Variants in GOSR1 observed in about 807,000 individuals in gnomAD.
GOSR1 encodes the protein golgi SNAP receptor complex member 1, also known as 28 kDa Golgi SNARE protein.
A neutral mutation model predicts 35.5 loss-of-function variants in GOSR1; 21 were observed. The ratio of observed to expected loss-of-function variants is 0.59; its 90% CI spans 0.42 to 0.85. The LOEUF (loss-of-function observed/expected upper bound fraction) is 0.85, where lower values mean the gene tolerates loss of function less well. GOSR1 is among the 40% of genes least tolerant of loss of function. GOSR1 has a pLI of 0.00. For missense variants in GOSR1, 285 were observed against 309.6 expected, an observed-to-expected ratio of 0.92 and a Z score of 0.60; for synonymous variants, 94 against 106.6, an observed-to-expected ratio of 0.88 and a Z score of 0.73.
intron 4 of GOSR1, among the ~76,000 whole-genome samples, chr17:30,488,345 TA>T (rs1316538800): frequency 6.6e-6 from 1 of 151,410 alleles, no homozygotes; most frequent in African/African-American, 2.4e-5. Context: ...TTTGTATTTT[TA>T]GTAGAGATGG....
rs893149183 is a variant in GOSR1, at chr17:30,525,659, T to A, written c.*3281T>A. ...TACCAGTCTTTTTTACTGGTCTGAT[T>A]CTTTTGTGCATTCATTAAAGCTGAT... On this transcript the variant is annotated 3_prime_UTR_variant, in exon 9 of 9. Transcript: ENST00000451249. 4 of 152,198 alleles carry A rather than the reference T, an allele frequency of 2.6e-5. No homozygotes were observed. Among genetic ancestry groups the A allele is most frequent in the Non-Finnish European group, 4.4e-5 (3 of 68,030 alleles). The allele number at this position is 152,198 out of a possible 1,614,324, so 9.4% of individuals were successfully genotyped here.
Position 30,522,609 on chromosome 17 carries a change from A to G in GOSR1, c.*231A>G, listed in dbSNP as rs561596948. ...GTTTTTAATTAAAAAAAAAAAAAAA[A>G]GGTTTTCAGTTGCTTTTGTCTCCCT... On this transcript the variant is annotated 3_prime_UTR_variant, in exon 9 of 9. Coordinates refer to ENST00000451249, the MANE Select transcript of GOSR1 (RefSeq NM_001007025.2). 12 of 294,888 alleles carry G rather than the reference A, an allele frequency of 4.1e-5. No homozygotes were observed. The highest frequency in any genetic ancestry group is 2.8e-4 in the South Asian group (2 of 7,020). The allele number at this position is 294,888 out of a possible 1,614,324, so 18.3% of individuals were successfully genotyped here. A position where few individuals can be genotyped will look rare whatever the true frequency, so the allele number is the denominator to read the frequency against.
chr17:30,517,396 C>T (rs917620377), intron 7 of GOSR1, among the ~76,000 whole-genome samples: 10 of 152,108 alleles, frequency 6.6e-5, no homozygotes, highest in Non-Finnish European at 5.9e-5. Flanking sequence ...TACAAACATC[C>T]CCAAGGGTGT....
intron 6 of GOSR1, among the ~76,000 whole-genome samples, chr17:30,503,277 A>C (rs1967280323): frequency 6.6e-6 from 1 of 152,184 alleles, no homozygotes. Context: ...TGGGGGAAAT[A>C]AGTTATTTTT....
chr17:30,495,079 T>C (rs571948244), intron 6 of GOSR1, among the ~76,000 whole-genome samples: 1 of 150,668 alleles, frequency 6.6e-6, no homozygotes, highest in Admixed American at 6.7e-5. Context: ...TCCCAACTAC[T>C]TGGGAGGCTG....
rs1244860041 is a variant in GOSR1, at chr17:30,524,608, TAAAAG to T, written c.*2234_*2238del. The stretch of plus-strand genomic sequence containing the variant: ...AAATGAAATCTCAGTTCCACTATGA[TAAAAG>T]AAACGAATCACCAGTGTCTGTCAGT... On this transcript the variant is annotated 3_prime_UTR_variant, in exon 9 of 9. Transcript: ENST00000451249. 3 of 152,140 alleles carry T rather than the reference TAAAAG, an allele frequency of 2.0e-5. No homozygotes were observed. Among genetic ancestry groups the T allele is most frequent in the Non-Finnish European group, 4.4e-5 (3 of 68,014 alleles). 9.4% of individuals were successfully genotyped at this position (152,140 alleles called of 1,614,324 possible).
At chr17:30,486,240 G>A (rs369030094) in intron 4 of GOSR1, among the ~76,000 whole-genome samples, 15 of 152,036 alleles carry the variant, frequency 9.9e-5, no homozygotes, top group African/African-American at 3.4e-4. Context: ...ATGTATGCTG[G>A]GCATGGTGGC....
chr17:30,501,711 G>A (rs1410615447), intron 6 of GOSR1, among the ~76,000 whole-genome samples: 2 of 152,146 alleles, frequency 1.3e-5, no homozygotes, highest in East Asian at 3.9e-4. Flanking sequence ...GGCCAGGCTG[G>A]TCTTGAACTC....
chr17:30,495,212 T>C (rs1966952057), intron 6 of GOSR1, among the ~76,000 whole-genome samples: 1 of 138,820 alleles, frequency 7.2e-6, no homozygotes, highest in Non-Finnish European at 1.5e-5. Flanking sequence ...AAAAAAGACA[T>C]GGCTGATTAT....
At chr17:30,495,387 G>A (rs573626750) in intron 6 of GOSR1, 121 of 450,852 alleles carry the variant, frequency 2.7e-4, no homozygotes, top group Non-Finnish European at 4.4e-4. Context: ...AATAAAATAC[G>A]TCTTCTGTAT....
rs1968064743 is a variant in GOSR1, at chr17:30,522,282, C to G, written c.651C>G (p.Ile217Met). ...ANRFPAVNSL[I>M]QRINLRKRRD... ...GTTTTCCTGCTGTAAACAGCCTGAT[C>G]CAGAGGATCAACCTGAGGAAGCGGC... is the stretch of plus-strand genomic sequence containing the variant. The change falls in exon 9 of 9, where the codon ATC (isoleucine) becomes ATG (methionine). Residue 217 changes from isoleucine to methionine, a missense_variant. Transcript: ENST00000451249. 1 of 1,610,054 alleles carries G rather than the reference C, an allele frequency of 6.2e-7. No individual in the cohort carries two copies. Among genetic ancestry groups the G allele is most frequent in the Non-Finnish European group, 8.5e-7 (1 of 1,177,740 alleles).
In GOSR1 at chr17:30,524,835, C is replaced by A. The variant is rs946187536; in HGVS notation, c.*2457C>A. 1.3e-5 allele frequency: 2 copies of A among 152,182 alleles called. No homozygotes were observed. Among genetic ancestry groups the A allele is most frequent in the Non-Finnish European group, 2.9e-5 (2 of 68,032 alleles). 9.4% of individuals were successfully genotyped at this position (152,182 alleles called of 1,614,324 possible). A position where few individuals can be genotyped will look rare whatever the true frequency, so the allele number is the denominator to read the frequency against. ...ACTACTGCCTGATGTACCAGGAATC[C>A]TGAGTTCTGTGAAAATCTGTTCATT... On this transcript the variant is annotated 3_prime_UTR_variant, in exon 9 of 9. Coordinates refer to ENST00000451249, the MANE Select transcript of GOSR1 (RefSeq NM_001007025.2).
At position 30,510,884 on chromosome 17, in the gene GOSR1, G is replaced by C; in HGVS notation, c.514G>C (p.Asp172His). 1 of 1,535,976 alleles carries C rather than the reference G, an allele frequency of 6.5e-7. No individual in the cohort carries two copies. The highest frequency in any genetic ancestry group is 9.0e-7 in the Non-Finnish European group (1 of 1,112,764). ...LKEHDHLRNS[D>H]RLIEETISIA... ...AATTTTTCTTTTTATTTGCAGCTCA[G>C]ATCGTCTGATAGAAGAGACAATAAG... The change falls in exon 7 of 9, where the codon GAT becomes CAT. Residue 172 changes from aspartate (D) to histidine (H), a missense_variant. By Grantham distance (81) the Asp-to-His change is moderately conservative (BLOSUM62 -1). This residue lies in a region of GOSR1 where 168 missense variants were observed against 183.2 expected (regional missense o/e 0.92). Coordinates refer to ENST00000451249, the MANE Select transcript of GOSR1 (RefSeq NM_001007025.2).
At chr17:30,497,626 G>A (rs1430951044) in intron 6 of GOSR1, among the ~76,000 whole-genome samples, 3 of 152,206 alleles carry the variant, frequency 2.0e-5, no homozygotes, top group African/African-American at 7.2e-5. Flanking sequence ...CTATAGTGGT[G>A]TTAGAATAGA....
chr17:30,490,108 G>T lies in GOSR1; in HGVS notation c.343-18G>T, dbSNP rs1282849387. On this transcript the variant is annotated intron_variant, in intron 4 of 8. Transcript: ENST00000451249. Reference sequence around the variant, plus strand: ...CCATAATTAGCTTCTGTTGAGACTGGATGTTGATTTATTACAGGATTATAC... The same window carrying T: ...CCATAATTAGCTTCTGTTGAGACTGTATGTTGATTTATTACAGGATTATAC... 5 of 1,110,072 alleles carry T rather than the reference G, an allele frequency of 4.5e-6. No homozygotes were observed. Among genetic ancestry groups the T allele is most frequent in the Non-Finnish European group, 6.9e-6 (5 of 721,970 alleles). 68.8% of individuals were successfully genotyped at this position (1,110,072 alleles called of 1,614,324 possible).
chr17:30,490,382 A>G, intron 5 of GOSR1, 165 bp downstream of exon 5: 1 of 482,650 alleles, frequency 2.1e-6, no homozygotes, highest in Non-Finnish European at 3.8e-6. Flanking sequence ...TGTCATCCTA[A>G]TCTACTTTTC....
At chr17:30,490,562 GAA>G in intron 5 of GOSR1, among the ~76,000 whole-genome samples, 1 of 151,198 alleles carries the variant, frequency 6.6e-6, no homozygotes, top group Admixed American at 6.6e-5. Context: ...ATGTGTCAAA[GAA>G]AAAAAAATTC....
chr17:30,499,845 T>C (rs546798443), intron 6 of GOSR1, among the ~76,000 whole-genome samples: 2 of 152,304 alleles, frequency 1.3e-5, no homozygotes, highest in East Asian at 3.9e-4. Context: ...AGAAGTGTAA[T>C]GGTTTTTATT....
At chr17:30,495,357 A>G (rs1261727813) in intron 6 of GOSR1, 4 of 442,306 alleles carry the variant, frequency 9.0e-6, no homozygotes, top group African/African-American at 4.1e-5. Context: ...CTTTTTCTCT[A>G]GAAGCATTTT....
Sources: gnomAD v4.1 joint callset for allele counts (sites outside exome capture counted in the v4.1 genomes callset) on GRCh38, gnomAD v4.1.1 for gene constraint, gnomAD v4.1.1 regional missense constraint, MANE v1.5 for transcripts, NCBI Gene and HGNC (gene_info 2026-07-23, HGNC 2026-07-21) for gene names.